The following ASAP1 variants were observed in gnomAD, a reference collection of about 807,000 sequenced individuals.
ASAP1 encodes arf-GAP with SH3 domain, ANK repeat and PH domain-containing protein 1.
Under a neutral mutation model 145.2 loss-of-function variants are expected in ASAP1, and 43 were observed. That is an observed-to-expected ratio of 0.30 (90% CI 0.23 to 0.38). ASAP1 has a LOEUF of 0.38. Among genes scored for constraint, ASAP1 ranks in the 10% least tolerant of loss-of-function variants. ASAP1 has a pLI of 1.00. For synonymous variants in ASAP1, 546 were observed against 515.5 expected (o/e 1.06, Z -0.80); for missense variants, 1,018 against 1,355.3 (o/e 0.75, Z 3.91).
intron 5 of ASAP1, among the ~76,000 whole-genome samples, chr8:130,207,812 T>C (rs1816321106): frequency 6.6e-6 from 1 of 152,202 alleles, no homozygotes; most frequent in Middle Eastern, 3.2e-3. Context: ...GACTCACTTC[T>C]GGGAGGAAAT....
chr8:130,406,152 A>G (rs769721142), intron 1 of ASAP1, among the ~76,000 whole-genome samples: 1 of 152,248 alleles, frequency 6.6e-6, no homozygotes, highest in Non-Finnish European at 1.5e-5. Flanking sequence ...TAATTTTCTT[A>G]GAAGCAGGGA....
At chr8:130,410,420 G>A (rs1408517238) in intron 1 of ASAP1, among the ~76,000 whole-genome samples, 2 of 152,110 alleles carry the variant, frequency 1.3e-5, no homozygotes. Context: ...AAACTTGAGA[G>A]TTCTCAAGTT....
chr8:130,200,257 A>C (rs539800608), intron 5 of ASAP1, among the ~76,000 whole-genome samples: 38 of 152,190 alleles, frequency 2.5e-4, no homozygotes, highest in Non-Finnish European at 5.4e-4. Flanking sequence ...AATATTCAAA[A>C]CAGGAAGTTG....
chr8:130,347,028 C>G (rs1292825973), intron 3 of ASAP1, among the ~76,000 whole-genome samples: 2 of 152,140 alleles, frequency 1.3e-5, no homozygotes, highest in African/African-American at 4.8e-5. Flanking sequence ...GAAGTAAAGC[C>G]ATTAGTCCTC....
chr8:130,276,761 C>CTCTCTCTCTCTCTCTCTCTCTCTCT (rs1554867225), intron 3 of ASAP1, among the ~76,000 whole-genome samples: 2 of 127,884 alleles, frequency 1.6e-5, no homozygotes, highest in African/African-American at 3.4e-5. Context: ...CTCTCTCTCT[C>CTCTCTCTCTCTCTCTCTCTCTCTCT]CTCTAACAAA....
intron 9 of ASAP1, among the ~76,000 whole-genome samples, chr8:130,170,614 GA>G (rs1813529352): frequency 6.6e-6 from 1 of 152,094 alleles, no homozygotes; most frequent in Non-Finnish European, 1.5e-5. Context: ...AAACCTTATT[GA>G]AATAAAGAAG....
Position 130,072,824 on chromosome 8 carries a change from T to TGTGTGTGTGTGTGCGCGCGCGCGC in ASAP1, c.2701+3523_2701+3524insGCGCGCGCGCGCACACACACACAC. On this transcript the variant is annotated intron_variant, in intron 27 of 29. Coordinates refer to ENST00000518721, the MANE Select transcript of ASAP1 (RefSeq NM_018482.4). Reference sequence around the variant, plus strand: ...GTGTGTGTGTGTGTGTGTGTGTGTGTGCGCGCGGGGGGGGGCAGTTTTGGG... The same window carrying TGTGTGTGTGTGTGCGCGCGCGCGC: ...GTGTGTGTGTGTGTGTGTGTGTGTGTGTGTGTGTGTGTGCGCGCGCGCGCGCGCGCGGGGGGGGGCAGTTTTGGG... 9.9e-4 allele frequency among the ~76,000 whole-genome samples: 32 copies of TGTGTGTGTGTGTGCGCGCGCGCGC among 32,304 alleles called. 2 individuals carry two copies. Among genetic ancestry groups the TGTGTGTGTGTGTGCGCGCGCGCGC allele is most frequent in the East Asian group, 2.4e-3 (1 of 414 alleles). The allele number at this position is 32,304 out of a possible 152,430, so 21.2% of individuals were successfully genotyped here. A position where few individuals can be genotyped will look rare whatever the true frequency, so the allele number is the denominator to read the frequency against.
At chr8:130,434,247 A>T (rs1039871406) in intron 1 of ASAP1, among the ~76,000 whole-genome samples, 1 of 152,118 alleles carries the variant, frequency 6.6e-6, no homozygotes, top group African/African-American at 2.4e-5. Context: ...ACCTGGGAGG[A>T]TTACTTGAAC....
At chr8:130,099,371 G>A (rs897924669) in intron 24 of ASAP1, among the ~76,000 whole-genome samples, 20 of 151,970 alleles carry the variant, frequency 1.3e-4, no homozygotes, top group African/African-American at 3.1e-4. Flanking sequence ...TAGTAGAGAC[G>A]GGGTTTCACC....
chr8:130,382,014 T>C (rs925992905), intron 2 of ASAP1, among the ~76,000 whole-genome samples: 4 of 152,086 alleles, frequency 2.6e-5, no homozygotes, highest in African/African-American at 9.7e-5. Flanking sequence ...AGGCCGAGCA[T>C]GGTGGCTCAA....
intron 3 of ASAP1, among the ~76,000 whole-genome samples, chr8:130,308,164 C>CA (rs1235168798): frequency 6.6e-6 from 1 of 152,136 alleles, no homozygotes; most frequent in Non-Finnish European, 1.5e-5. Context: ...GTTATGACTT[C>CA]AAAAGTCTAC....
intron 5 of ASAP1, among the ~76,000 whole-genome samples, chr8:130,204,282 C>T (rs911614986): frequency 3.3e-5 from 5 of 152,148 alleles, no homozygotes; most frequent in African/African-American, 2.4e-5. Flanking sequence ...ACCATCCTCC[C>T]GGCTACCCTC....
intron 3 of ASAP1, among the ~76,000 whole-genome samples, chr8:130,342,912 T>C (rs778159956): frequency 6.6e-6 from 1 of 152,098 alleles, no homozygotes; most frequent in Non-Finnish European, 1.5e-5. Flanking sequence ...CTCTGCCAAG[T>C]GTTAAGTGGG....
chr8:130,336,421 C>T (rs1438839625), intron 3 of ASAP1, among the ~76,000 whole-genome samples: 3 of 152,190 alleles, frequency 2.0e-5, no homozygotes, highest in African/African-American at 7.2e-5. Flanking sequence ...AGAATCAGCA[C>T]ATAATAAGCT....
chr8:130,371,558 T>C (rs1440472781), intron 2 of ASAP1, among the ~76,000 whole-genome samples: 1 of 152,222 alleles, frequency 6.6e-6, no homozygotes, highest in Non-Finnish European at 1.5e-5. Context: ...GCAGAAATGC[T>C]ATGTAGGAGT....
chr8:130,276,815 G>A (rs1180289931), intron 3 of ASAP1, among the ~76,000 whole-genome samples: 2 of 150,824 alleles, frequency 1.3e-5, no homozygotes, highest in Non-Finnish European at 2.9e-5. Context: ...ATGAGAAGGT[G>A]GAAAGTGTGA....
chr8:130,226,012 T>TG (rs1434470132), intron 4 of ASAP1, among the ~76,000 whole-genome samples: 3 of 151,272 alleles, frequency 2.0e-5, no homozygotes, highest in Non-Finnish European at 4.4e-5. Flanking sequence ...CCCTAGTAGC[T>TG]GGGACTATAG....
intron 4 of ASAP1, among the ~76,000 whole-genome samples, chr8:130,222,600 TATGTGA>T: frequency 6.6e-6 from 1 of 152,198 alleles, no homozygotes; most frequent in East Asian, 1.9e-4. Flanking sequence ...CAGAATCCAC[TATGTGA>T]AAGACTTGAT....
intron 3 of ASAP1, among the ~76,000 whole-genome samples, chr8:130,324,233 G>C (rs1222795587): frequency 6.6e-6 from 1 of 152,148 alleles, no homozygotes; most frequent in Non-Finnish European, 1.5e-5. Flanking sequence ...TGGCTGGTTG[G>C]CTGTTAACCT....
Sources: allele counts gnomAD v4.1 joint callset (sites outside exome capture counted in the v4.1 genomes callset), GRCh38; gene constraint gnomAD v4.1.1; transcripts MANE v1.5; gene names NCBI Gene and HGNC (gene_info 2026-07-23, HGNC 2026-07-21).